The following BMPR1A variants were observed in gnomAD, a reference collection of about 807,000 sequenced individuals.
The protein encoded by BMPR1A is bone morphogenetic protein receptor type 1A, also known as bone morphogenetic protein receptor type-1A.
A neutral mutation model predicts 66.0 loss-of-function variants in BMPR1A; 7 were observed. That is an observed-to-expected ratio of 0.11 (90% CI 0.06 to 0.20). The LOEUF (loss-of-function observed/expected upper bound fraction) is 0.20. BMPR1A is among the 10% of genes least tolerant of loss of function. The pLI is 1.00. For missense variants in BMPR1A, 408 were observed against 669.1 expected, an observed-to-expected ratio of 0.61 and a Z score of 4.31; for synonymous variants, 200 against 229.7, an observed-to-expected ratio of 0.87 and a Z score of 1.17.
At chr10:86,813,175 T>C (rs1488004495) in intron 1 of BMPR1A, among the ~76,000 whole-genome samples, 2 of 152,246 alleles carry the variant, frequency 1.3e-5, no homozygotes, top group African/African-American at 4.8e-5. Flanking sequence ...TTGTAATTCT[T>C]ACACCTGTTA....
intron 2 of BMPR1A, among the ~76,000 whole-genome samples, chr10:86,845,452 GTTGAGCAGTCTCCCTTAGGT>G (rs1842470671): frequency 6.6e-6 from 1 of 152,214 alleles, no homozygotes. Context: ...CCTCCATGCT[GTTGAGCAGTCTCCCTTAGGT>G]TTGCAAAGTC....
intron 7 of BMPR1A, among the ~76,000 whole-genome samples, chr10:86,904,566 G>T (rs75636681): frequency 0.012 from 1,860 of 152,210 alleles, 35 homozygotes; most frequent in African/African-American, 0.041. Flanking sequence ...AAAGAACCCC[G>T]CCCCCTTAGA....
At chr10:86,905,387 A>AT (rs1044698437) in intron 7 of BMPR1A, among the ~76,000 whole-genome samples, 21 of 152,048 alleles carry the variant, frequency 1.4e-4, no homozygotes, top group African/African-American at 3.4e-4. Flanking sequence ...TTTATCTTGC[A>AT]TTTTTTTACA....
intron 1 of BMPR1A, among the ~76,000 whole-genome samples, chr10:86,773,039 G>C (rs542843811): frequency 6.6e-6 from 1 of 151,914 alleles, no homozygotes; most frequent in East Asian, 1.9e-4. Flanking sequence ...GTCTGAACCT[G>C]GAATATAAGG....
chr10:86,792,193 G>A (rs376518015), intron 1 of BMPR1A, among the ~76,000 whole-genome samples: 7 of 149,082 alleles, frequency 4.7e-5, no homozygotes, highest in East Asian at 2.0e-4. Context: ...TCAGCCTCCC[G>A]AGTAGCTGGG....
intron 3 of BMPR1A, among the ~76,000 whole-genome samples, chr10:86,877,635 C>T (rs899111168): frequency 1.3e-5 from 2 of 152,122 alleles, no homozygotes; most frequent in African/African-American, 4.8e-5. Flanking sequence ...GAATACAGAG[C>T]CTTCAGCAAA....
At chr10:86,778,946 T>C (rs1841396260) in intron 1 of BMPR1A, among the ~76,000 whole-genome samples, 1 of 149,622 alleles carries the variant, frequency 6.7e-6, no homozygotes, top group Non-Finnish European at 1.5e-5. Context: ...TTTTTTTTTT[T>C]AAGTAGAGAT....
At chr10:86,782,530 A>G (rs1841453489) in intron 1 of BMPR1A, among the ~76,000 whole-genome samples, 1 of 151,668 alleles carries the variant, frequency 6.6e-6, no homozygotes, top group African/African-American at 2.4e-5. Context: ...TTTTTTTGAT[A>G]GAGGTAATTT....
downstream of BMPR1A, chr10:86,928,644 A>AT (rs1013105807): frequency 3.3e-5 from 5 of 151,680 alleles, no homozygotes; most frequent in African/African-American, 1.2e-4. Context: ...CACTATATAC[A>AT]TTTGAGTGTT....
intron 1 of BMPR1A, among the ~76,000 whole-genome samples, chr10:86,768,007 A>G (rs1841195578): frequency 6.6e-6 from 1 of 152,198 alleles, no homozygotes; most frequent in Admixed American, 6.5e-5. Context: ...TCCCCTAGTA[A>G]GATGGTACAC....
chr10:86,852,110 T>C (rs1199264633), intron 2 of BMPR1A, among the ~76,000 whole-genome samples: 1 of 146,718 alleles, frequency 6.8e-6, no homozygotes, highest in African/African-American at 2.6e-5. Context: ...GAAATACCCC[T>C]CACAACTGTT....
intron 1 of BMPR1A, among the ~76,000 whole-genome samples, chr10:86,766,332 A>G (rs900327887): frequency 5.9e-5 from 9 of 151,934 alleles, no homozygotes; most frequent in Admixed American, 3.3e-4. Flanking sequence ...CAGTTATTCC[A>G]TTTTCTGATT....
At chr10:86,829,227 C>T (rs1259406709) in intron 1 of BMPR1A, among the ~76,000 whole-genome samples, 2 of 151,894 alleles carry the variant, frequency 1.3e-5, no homozygotes, top group Non-Finnish European at 2.9e-5. Context: ...TATGTACACA[C>T]ATATGTATAT....
intron 1 of BMPR1A, among the ~76,000 whole-genome samples, chr10:86,796,059 T>C (rs947397981): frequency 2.6e-5 from 4 of 152,200 alleles, no homozygotes; most frequent in Admixed American, 6.5e-5. Context: ...CTTGCTACTC[T>C]TAGATAAATG....
chr10:86,874,960 C>T (rs1426528166), intron 2 of BMPR1A, among the ~76,000 whole-genome samples: 1 of 149,936 alleles, frequency 6.7e-6, no homozygotes, highest in Non-Finnish European at 1.5e-5. Context: ...CCTGACTTCA[C>T]TTCAGGTGAT....
intron 1 of BMPR1A, among the ~76,000 whole-genome samples, chr10:86,830,266 A>C (rs1181640633): frequency 6.6e-6 from 1 of 152,214 alleles, no homozygotes; most frequent in African/African-American, 2.4e-5. Flanking sequence ...CCTTGACGGG[A>C]GGTTTGCTAA....
intron 2 of BMPR1A, among the ~76,000 whole-genome samples, chr10:86,846,969 A>T (rs936116375): frequency 6.7e-6 from 1 of 149,930 alleles, no homozygotes; most frequent in Non-Finnish European, 1.5e-5. Flanking sequence ...TGGGTGCTTT[A>T]ATTTTATTTA....
At chr10:86,848,753 A>G (rs987374854) in intron 2 of BMPR1A, among the ~76,000 whole-genome samples, 3 of 152,040 alleles carry the variant, frequency 2.0e-5, no homozygotes, top group Non-Finnish European at 2.9e-5. Flanking sequence ...CTGCTTGTAT[A>G]TTTTCAAAAG....
intron 5 of BMPR1A, among the ~76,000 whole-genome samples, chr10:86,894,441 C>T (rs1403181165): frequency 6.6e-6 from 1 of 152,164 alleles, no homozygotes; most frequent in Non-Finnish European, 1.5e-5. Context: ...TTCGTTGTTC[C>T]AGTTTTAGGC....
Sources: allele counts gnomAD v4.1 joint callset (sites outside exome capture counted in the v4.1 genomes callset), GRCh38; gene constraint gnomAD v4.1.1; transcripts MANE v1.5; gene names NCBI Gene and HGNC (gene_info 2026-07-23, HGNC 2026-07-21).